Variants in TMEM266 observed in about 807,000 individuals in gnomAD.
TMEM266 encodes the protein Hv1 related protein 1.
TMEM266 carries 33 observed loss-of-function variants against 50.5 expected under a neutral mutation model. The ratio of observed to expected loss-of-function variants is 0.65; its 90% CI spans 0.50 to 0.87. The LOEUF is 0.87. TMEM266 is among the 40% of genes least tolerant of loss of function. The pLI is 0.00. For missense variants in TMEM266, 655 were observed against 695.1 expected (o/e 0.94, Z 0.65); for synonymous variants, 310 against 292.3 (o/e 1.06, Z -0.62).
In TMEM266 at chr15:76,192,047, C is replaced by G; in HGVS notation, c.848C>G (p.Ala283Gly). ...GCCGAGCGCGAAGCGGCGCTCCAGG[C>G]CCCGCACGTGCTCAGCCAGCCGCGC... Residue 283 changes from alanine to glycine, a missense_variant, in exon 9 of 11, where the codon GCC becomes GGC. By Grantham distance (60) the Ala-to-Gly change is moderately conservative. Transcript: ENST00000388942. 1.9e-6 allele frequency: 3 copies of G among 1,544,170 alleles called. No individual in the cohort carries two copies. Among genetic ancestry groups the G allele is most frequent in the African/African-American group, 2.9e-5 (2 of 69,854 alleles).
At chr15:76,173,656 G>C (rs184428394) in intron 7 of TMEM266, among the ~76,000 whole-genome samples, 137 of 152,332 alleles carry the variant, frequency 9.0e-4, no homozygotes, top group African/African-American at 3.0e-3. Flanking sequence ...CTGCAGGCCA[G>C]GCATGGTGGC....
intron 3 of TMEM266, among the ~76,000 whole-genome samples, chr15:76,145,834 A>C (rs879731848): frequency 6.6e-6 from 1 of 152,232 alleles, no homozygotes; most frequent in African/African-American, 2.4e-5. Flanking sequence ...ACCAGTGTCC[A>C]TTGTCCTGGT....
At chr15:76,083,705 T>C (rs2141993181) in intron 1 of TMEM266, among the ~76,000 whole-genome samples, 1 of 152,322 alleles carries the variant, frequency 6.6e-6, no homozygotes. Flanking sequence ...ATGAGTGTAA[T>C]TACTCGATTG....
intron 1 of TMEM266, among the ~76,000 whole-genome samples, chr15:76,082,958 G>C (rs2036717277): frequency 6.7e-6 from 1 of 150,184 alleles, no homozygotes; most frequent in Non-Finnish European, 1.5e-5. Context: ...GACAGAGCAA[G>C]ACTCTGTCTA....
At chr15:76,140,402 C>G (rs974018622) in intron 3 of TMEM266, among the ~76,000 whole-genome samples, 5 of 152,232 alleles carry the variant, frequency 3.3e-5, no homozygotes, top group Admixed American at 2.0e-4. Flanking sequence ...CCGGCCCTTT[C>G]TGGGGCAATG....
intron 1 of TMEM266, among the ~76,000 whole-genome samples, chr15:76,101,395 G>A (rs1043871839): frequency 1.3e-5 from 2 of 152,168 alleles, no homozygotes; most frequent in African/African-American, 4.8e-5. Context: ...TGAGAACACC[G>A]GGACTGGTCT....
At chr15:76,182,178 A>G (rs2038421797) in intron 8 of TMEM266, among the ~76,000 whole-genome samples, 1 of 152,124 alleles carries the variant, frequency 6.6e-6, no homozygotes, top group African/African-American at 2.4e-5. Flanking sequence ...GGGAGCCAGC[A>G]AGCCAGATTC....
chr15:76,143,911 C>T (rs905852489), intron 3 of TMEM266, among the ~76,000 whole-genome samples: 1 of 152,146 alleles, frequency 6.6e-6, no homozygotes, highest in African/African-American at 2.4e-5. Context: ...GACTTAGATC[C>T]AGCTACTTTC....
Position 76,129,544 on chromosome 15 carries a change from G to A in TMEM266, c.-96-4624G>A, listed in dbSNP as rs150223496. ...TAATCCCAGCTACTCAGGAGGCTGAGGCAGGAGAATAACTTGAACCCGGGA... is the reference window on the plus strand; with the variant it reads ...TAATCCCAGCTACTCAGGAGGCTGAAGCAGGAGAATAACTTGAACCCGGGA... On this transcript the variant is annotated intron_variant, in intron 1 of 10. Transcript: ENST00000388942. Among the ~76,000 whole-genome samples, 899 of 152,266 alleles carry A rather than the reference G, an allele frequency of 5.9e-3. 16 individuals are homozygous for A. Among genetic ancestry groups the A allele is most frequent in the African/African-American group, 0.02 (847 of 41,516 alleles).
rs186201023 is a variant in TMEM266, at chr15:76,156,748, G to C, written c.372G>C (p.Lys124Asn). 12 of 1,613,816 alleles carry C rather than the reference G, an allele frequency of 7.4e-6. No homozygotes were observed. The highest frequency in any genetic ancestry group is 9.3e-6 in the Non-Finnish European group (11 of 1,179,742). Residue 124 changes from lysine (K) to asparagine (N), a missense_variant, in exon 4 of 11, where the codon AAG becomes AAC. Coordinates refer to ENST00000388942, the MANE Select transcript of TMEM266 (RefSeq NM_152335.3). ...CTCTGGAACTTCTAATAGATATAAAGCTTCTCCAGTGTGAGTAGCAAGAGA... is the reference window on the plus strand; with the variant it reads ...CTCTGGAACTTCTAATAGATATAAACCTTCTCCAGTGTGAGTAGCAAGAGA...
intron 1 of TMEM266, among the ~76,000 whole-genome samples, chr15:76,060,737 G>T (rs765371675): frequency 6.6e-6 from 1 of 152,166 alleles, no homozygotes; most frequent in South Asian, 2.1e-4. Context: ...AACTCATTAC[G>T]GTTTTGCATC....
At chr15:76,109,155 C>T (rs1158690458) in intron 1 of TMEM266, 1 of 152,260 alleles carries the variant, frequency 6.6e-6, no homozygotes, top group Non-Finnish European at 1.5e-5. Flanking sequence ...CCAGAAAGAC[C>T]TCAGCAGGTA....
intron 1 of TMEM266, among the ~76,000 whole-genome samples, chr15:76,108,573 G>A (rs749927715): frequency 9.9e-5 from 15 of 152,150 alleles, no homozygotes; most frequent in Non-Finnish European, 1.9e-4. Context: ...ACCCGGGACC[G>A]CACTTTGAAA....
At chr15:76,187,113 A>G (rs2038499900) in intron 8 of TMEM266, among the ~76,000 whole-genome samples, 1 of 151,954 alleles carries the variant, frequency 6.6e-6, no homozygotes, top group South Asian at 2.1e-4. Flanking sequence ...GAAGGTTAAC[A>G]TTGCCCCACC....
intron 10 of TMEM266, among the ~76,000 whole-genome samples, chr15:76,203,214 C>T (rs2038778391): frequency 6.6e-6 from 1 of 151,840 alleles, no homozygotes; most frequent in Non-Finnish European, 1.5e-5. Context: ...ATTCCTCAGA[C>T]CATGGAACCC....
chr15:76,060,279 G>A (rs2036273073), intron 1 of TMEM266, among the ~76,000 whole-genome samples: 1 of 151,968 alleles, frequency 6.6e-6, no homozygotes, highest in Admixed American at 6.6e-5. Flanking sequence ...GCCCTGGTTC[G>A]GGTCCAGCTG....
chr15:76,126,496 A>AG (rs1274408156), intron 1 of TMEM266, among the ~76,000 whole-genome samples: 1 of 151,562 alleles, frequency 6.6e-6, no homozygotes, highest in East Asian at 1.9e-4. Flanking sequence ...AGCCAGTCAC[A>AG]GAAAGACAAA....
intron 9 of TMEM266, among the ~76,000 whole-genome samples, chr15:76,194,390 C>T (rs370638794): frequency 2.0e-5 from 3 of 152,218 alleles, no homozygotes; most frequent in African/African-American, 4.8e-5. Context: ...GTCTCCCCTC[C>T]CCCACCATAC....
chr15:76,156,489 G>A (rs2037928470), intron 3 of TMEM266, 115 bp from the exon 4 acceptor site: 1 of 1,101,420 alleles, frequency 9.1e-7, no homozygotes. Context: ...TAGAGCCAGG[G>A]AGAGAGCCCG....
Sources: allele counts gnomAD v4.1 joint callset (sites outside exome capture counted in the v4.1 genomes callset), GRCh38; gene constraint gnomAD v4.1.1; transcripts MANE v1.5; gene names NCBI Gene and HGNC (gene_info 2026-07-23, HGNC 2026-07-21).